The following GTPBP2 variants were observed in gnomAD, a reference collection of about 807,000 sequenced individuals.
GTPBP2 encodes the protein GTP-binding protein 2.
GTPBP2 carries 32 observed loss-of-function variants against 63.0 expected under a neutral mutation model. That is an observed-to-expected ratio of 0.51 (90% CI 0.38 to 0.68). GTPBP2 has a LOEUF of 0.68. GTPBP2 is among the 30% of genes least tolerant of loss of function. GTPBP2 has a pLI of 0.00. For missense variants in GTPBP2, 492 were observed against 796.9 expected (o/e 0.62, Z 4.61); for synonymous variants, 310 against 322.6 (o/e 0.96, Z 0.42).
Position 43,624,156 on chromosome 6 carries a change from G to A in GTPBP2, c.1101-88C>T. The A allele has an allele frequency of 2.3e-6, 3 of 1,299,900 alleles. No individual in the cohort carries two copies. Among genetic ancestry groups the A allele is most frequent in the Non-Finnish European group, 3.2e-6 (3 of 950,454 alleles). 80.5% of individuals were successfully genotyped at this position (1,299,900 alleles called of 1,614,324 possible). ...CCCCATACATGGAAAGGTGAGCTTT[G>A]TTCTGGCTGGGGGCCCCTCTCTCCT... On this transcript the variant is annotated intron_variant, in intron 7 of 11. Transcript: ENST00000307126. The surrounding 1 kb of genome is among the most constrained non-coding windows in gnomAD (Gnocchi z 5.1).
At chr6:43,629,542 G>A, upstream of GTPBP2, 1 of 643,968 alleles carries the variant, frequency 1.6e-6, no homozygotes, top group East Asian at 2.7e-5. Flanking sequence ...AGGACTTGGG[G>A]GGAATTTAGA....
Position 43,626,538 on chromosome 6 carries a change from C to G in GTPBP2, c.214-128G>C. ...ACTTAAACTCATACCTGATCCCCCT[C>G]CAACAGAACGAGGTACAGAGCCCTT... On this transcript the variant is annotated intron_variant, in intron 2 of 11. Transcript: ENST00000307126. The surrounding 1 kb of genome is among the most constrained non-coding windows in gnomAD (Gnocchi z 4.0). The G allele has an allele frequency of 1.5e-6, 1 of 685,000 alleles. No individual in the cohort carries two copies. Among genetic ancestry groups the G allele is most frequent in the Non-Finnish European group, 2.5e-6 (1 of 400,610 alleles). 42.4% of individuals were successfully genotyped at this position (685,000 alleles called of 1,614,324 possible). A position where few individuals can be genotyped will look rare whatever the true frequency, so the allele number is the denominator to read the frequency against.
Position 43,622,037 on chromosome 6 carries a change from C to T in GTPBP2, c.1598G>A (p.Arg533His). The T allele has an allele frequency of 1.2e-6, 2 of 1,614,232 alleles. No homozygotes were observed. The highest frequency in any genetic ancestry group is 1.6e-4 in the Middle Eastern group (1 of 6,062). Residue 533 changes from arginine (R) to histidine (H), a missense_variant, in exon 11 of 12, where the codon CGT becomes CAT. Physicochemically the swap from Arg to His is conservative, Grantham distance 29 (BLOSUM62 0). Around this residue, in one of 2 missense-constraint regions of GTPBP2, gnomAD observed 400 missense variants for 710.8 expected, o/e 0.56. Coordinates refer to ENST00000307126, the MANE Select transcript of GTPBP2 (RefSeq NM_019096.5). The surrounding 1 kb of genome is among the most constrained non-coding windows in gnomAD (Gnocchi z 5.4). ...GATCTTTTCCACCACTGCCGTCTGA[C>T]GTACGTTGCCCACGTGTACTGTCAC... ...FQVTVHVGNV[R>H]QTAVVEKIHA...
At chr6:43,628,261 G>C (rs543155120) in intron 1 of GTPBP2, among the ~76,000 whole-genome samples, 76 of 152,296 alleles carry the variant, frequency 5.0e-4, no homozygotes, top group African/African-American at 1.8e-3. Context: ...CTACTCGGGA[G>C]GCTGCAGCAG....
chr6:43,628,600 A>G, intron 1 of GTPBP2: 1 of 953,216 alleles, frequency 1.0e-6, no homozygotes, highest in Non-Finnish European at 1.2e-6. Flanking sequence ...CTGTGGAACA[A>G]GTTTAGAAGA....
At chr6:43,630,598 C>T (rs1769848533), upstream of GTPBP2, among the ~76,000 whole-genome samples, 1 of 152,142 alleles carries the variant, frequency 6.6e-6, no homozygotes, top group Admixed American at 6.6e-5. Context: ...CAAAAATTAG[C>T]TGGGCGTGGT....
Position 43,623,921 on chromosome 6 carries a change from G to T in GTPBP2, c.1236+12C>A, listed in dbSNP as rs1267661563. ...GTTTCCCAGCCTATTAGATGTTTGGGCAGTCAACTACCTGGAACTCCGTCA... is the reference window on the plus strand; with the variant it reads ...GTTTCCCAGCCTATTAGATGTTTGGTCAGTCAACTACCTGGAACTCCGTCA... On this transcript the variant is annotated intron_variant, in intron 8 of 11. Coordinates refer to ENST00000307126, the MANE Select transcript of GTPBP2 (RefSeq NM_019096.5). 1 of 1,613,702 alleles carries T rather than the reference G, an allele frequency of 6.2e-7. No individual in the cohort carries two copies. Among genetic ancestry groups the T allele is most frequent in the Admixed American group, 1.7e-5 (1 of 59,992 alleles).
intron 1 of GTPBP2, chr6:43,628,472 G>A: frequency 1.3e-5 from 2 of 158,198 alleles, no homozygotes; most frequent in Non-Finnish European, 1.8e-5. Context: ...GGCTTAGGCT[G>A]TGTGTGTGTG....
chr6:43,630,365 T>G (rs186381840), upstream of GTPBP2, among the ~76,000 whole-genome samples: 1 of 152,218 alleles, frequency 6.6e-6, no homozygotes, highest in Non-Finnish European at 1.5e-5. Context: ...GCCGCATGGC[T>G]GTCTCATGAC....
In GTPBP2 at chr6:43,625,748, G is replaced by A. The variant is rs1396819134; in HGVS notation, c.507+8C>T. 2 of 1,590,196 alleles carry A rather than the reference G, an allele frequency of 1.3e-6. No homozygotes were observed. The highest frequency in any genetic ancestry group is 4.5e-5 in the East Asian group (2 of 44,788). On this transcript the variant is annotated splice_region_variant and intron_variant, in intron 4 of 11. Coordinates refer to ENST00000307126, the MANE Select transcript of GTPBP2 (RefSeq NM_019096.5). The surrounding 1 kb of genome is among the most constrained non-coding windows in gnomAD (Gnocchi z 5.1). The stretch of plus-strand genomic sequence containing the variant: ...GGACATGAGAGACAGGGATGGGTGT[G>A]TGCTCACCTGTTGGTTGTCAGGGAC...
Position 43,624,606 on chromosome 6 carries a change from C to T in GTPBP2, c.1004G>A (p.Arg335Gln), listed in dbSNP as rs751425931. The change falls in exon 7 of 12, where the codon CGG (arginine) becomes CAG (glutamine). Residue 335 changes from arginine (R) to glutamine (Q), a missense_variant. By Grantham distance (43) the Arg-to-Gln change is conservative (BLOSUM62 1). Transcript: ENST00000307126. This position sits in a 1 kb window ranked among gnomAD's most constrained non-coding sequence, Gnocchi z 5.1. The part of the protein sequence containing the change: ...TVERTVRQLE[R>Q]VLKQPGCHKV... ...GTGGCAGCCAGGCTGCTTGAGGACC[C>T]GCTCCAGCTGGCGTACTGTCCTCTC... The T allele has an allele frequency of 6.2e-6, 10 of 1,614,082 alleles. No individual in the cohort carries two copies. The highest frequency in any genetic ancestry group is 2.2e-5 in the East Asian group (1 of 44,878).
chr6:43,627,340 C>G lies in GTPBP2; in HGVS notation c.187-392G>C, dbSNP rs559277760. On this transcript the variant is annotated intron_variant, in intron 1 of 11. Transcript: ENST00000307126. Reference sequence around the variant, plus strand: ...AGGCTGTTAAAACCTTTCTTTGTCACTGGTCTAGGAAACACCATTTCCTCC... The same window carrying G: ...AGGCTGTTAAAACCTTTCTTTGTCAGTGGTCTAGGAAACACCATTTCCTCC... 66 of 1,017,126 alleles carry G rather than the reference C, an allele frequency of 6.5e-5. No homozygotes were observed. In the Middle Eastern group the frequency reaches 3.4e-3, roughly 52 times the overall value. The allele number at this position is 1,017,126 out of a possible 1,614,324, so 63.0% of individuals were successfully genotyped here. A position where few individuals can be genotyped will look rare whatever the true frequency, so the allele number is the denominator to read the frequency against.
chr6:43,629,184 C>T lies in GTPBP2; in HGVS notation c.-22G>A, dbSNP rs1038442965. The stretch of plus-strand genomic sequence containing the variant: ...CCATCCGCCGCTGCCGCCAGCCCCC[C>T]GCCCGGCCCCTCCCCCGACCGCCGC... On this transcript the variant is annotated 5_prime_UTR_variant, in exon 1 of 12. Coordinates refer to ENST00000307126, the MANE Select transcript of GTPBP2 (RefSeq NM_019096.5). The T allele has an allele frequency of 4.4e-6, 6 of 1,375,042 alleles. No individual in the cohort carries two copies. Among genetic ancestry groups the T allele is most frequent in the African/African-American group, 1.5e-5 (1 of 64,644 alleles). 85.2% of individuals were successfully genotyped at this position (1,375,042 alleles called of 1,614,324 possible). A position where few individuals can be genotyped will look rare whatever the true frequency, so the allele number is the denominator to read the frequency against.
At position 43,624,901 on chromosome 6, in the gene GTPBP2, G is replaced by A; in HGVS notation, c.867C>T (p.Ala289=). The A allele has an allele frequency of 6.2e-7, 1 of 1,614,028 alleles. No individual in the cohort carries two copies. The highest frequency in any genetic ancestry group is 2.2e-5 in the East Asian group (1 of 44,878). ...CPDCALLLVS[A]NTGIAGTTRE... ...AATGCCTCGTACCAATCCCAGTGTT[G>A]GCACTGACGAGGAGCAGGGCGCAGT... Residue 289 remains alanine, a synonymous_variant, in exon 6 of 12, where the codon GCC becomes GCT. Coordinates refer to ENST00000307126, the MANE Select transcript of GTPBP2 (RefSeq NM_019096.5). The surrounding 1 kb of genome is among the most constrained non-coding windows in gnomAD (Gnocchi z 5.1).
intron 1 of GTPBP2, chr6:43,627,382 G>A: frequency 1.0e-6 from 1 of 982,090 alleles, no homozygotes; most frequent in Non-Finnish European, 1.2e-6. Context: ...GCCCCTTTCA[G>A]CTGATGTCAT....
In GTPBP2 at chr6:43,621,719, C is replaced by T. The variant is rs370638305; in HGVS notation, c.1704G>A (p.Val568=). 4 of 1,614,098 alleles carry T rather than the reference C, an allele frequency of 2.5e-6. No individual in the cohort carries two copies. The African/African-American group carries it at 4.0e-5, about 16-fold the overall frequency. ...RFLKHPEYLK[V]GAKLLFREGV... is the part of the protein sequence containing the mutation. Reference sequence around the variant, plus strand: ...CCTCCCGGAACAGCAGTTTGGCGCCCACCTTCAGGTACTCTGGGTGTTTCA... The same window carrying T: ...CCTCCCGGAACAGCAGTTTGGCGCCTACCTTCAGGTACTCTGGGTGTTTCA... Residue 568 remains valine, a synonymous_variant, in exon 12 of 12, where the codon GTG becomes GTA. Transcript: ENST00000307126.
rs1012949554 is a variant in GTPBP2 at position 43,628,971 on chromosome 6, G to A, written c.186+6C>T. 3.7e-6 allele frequency: 6 copies of A among 1,612,940 alleles called. No homozygotes were observed. Among genetic ancestry groups the A allele is most frequent in the Non-Finnish European group, 5.1e-6 (6 of 1,179,158 alleles). ...CTTCCCGCCCTACCACTTCTCAGGTGCTCACCTCGGGGGGCAAATACGGGG... is the reference window on the plus strand; with the variant it reads ...CTTCCCGCCCTACCACTTCTCAGGTACTCACCTCGGGGGGCAAATACGGGG... On this transcript the variant is annotated splice_donor_region_variant and intron_variant, in intron 1 of 11. Coordinates refer to ENST00000307126, the MANE Select transcript of GTPBP2 (RefSeq NM_019096.5).
Position 43,622,627 on chromosome 6 carries a change from C to T in GTPBP2, c.1467+6G>A, listed in dbSNP as rs1459881860. ...GTTCCCTCCCCAACCCATGCACCCA[C>T]CTCACCTTGCGAAGCAGTGCACGGT... On this transcript the variant is annotated splice_donor_region_variant and intron_variant, in intron 10 of 11. Coordinates refer to ENST00000307126, the MANE Select transcript of GTPBP2 (RefSeq NM_019096.5). The surrounding 1 kb of genome is among the most constrained non-coding windows in gnomAD (Gnocchi z 5.4). 2 of 1,608,238 alleles carry T rather than the reference C, an allele frequency of 1.2e-6. No individual in the cohort carries two copies. Among genetic ancestry groups the T allele is most frequent in the African/African-American group, 2.7e-5 (2 of 74,830 alleles).
In GTPBP2 at chr6:43,624,215, T is replaced by G. The variant is rs1401236254; in HGVS notation, c.1101-147A>C. On this transcript the variant is annotated intron_variant, in intron 7 of 11. Coordinates refer to ENST00000307126, the MANE Select transcript of GTPBP2 (RefSeq NM_019096.5). The surrounding 1 kb of genome is among the most constrained non-coding windows in gnomAD (Gnocchi z 5.1). ...ATGGCTCAGGAACTCTGGGCCTTCT[T>G]GTGAGCCAGTCGAGCAATGTCACAC... 1.4e-6 allele frequency: 1 copy of G among 701,132 alleles called. No homozygotes were observed. The highest frequency in any genetic ancestry group is 2.4e-6 in the Non-Finnish European group (1 of 425,072). 43.4% of individuals were successfully genotyped at this position (701,132 alleles called of 1,614,324 possible).
Sources: gnomAD v4.1 joint callset for allele counts (sites outside exome capture counted in the v4.1 genomes callset) on GRCh38, gnomAD v4.1.1 for gene constraint, gnomAD v4.1.1 regional missense constraint, Gnocchi (gnomAD v3.1) non-coding constraint, MANE v1.5 for transcripts, NCBI Gene and HGNC (gene_info 2026-07-23, HGNC 2026-07-21) for gene names.